Variants in PRORP observed in about 807,000 individuals in gnomAD.
PRORP encodes protein only RNase P catalytic subunit.
Under a neutral mutation model 59.4 loss-of-function variants are expected in PRORP, and 51 were observed. That is an observed-to-expected ratio of 0.86 (90% CI 0.69 to 1.08). PRORP has a LOEUF of 1.08. PRORP is among the 50% of genes least tolerant of loss of function. The probability of loss-of-function intolerance (pLI) is 0.00; values close to 1 mark genes in which losing one functional copy is unlikely to be tolerated. For synonymous variants in PRORP, 231 were observed against 245.6 expected (o/e 0.94, Z 0.55); for missense variants, 646 against 690.3 (o/e 0.94, Z 0.72).
chr14:35,233,193 T>C (rs2050125785), intron 5 of PRORP, among the ~76,000 whole-genome samples: 1 of 150,590 alleles, frequency 6.6e-6, no homozygotes, highest in Non-Finnish European at 1.5e-5. Flanking sequence ...ACCAATGAAT[T>C]AAGTAGAGAA....
intron 5 of PRORP, chr14:35,235,756 G>A (rs975148726): frequency 4.7e-6 from 1 of 213,422 alleles, no homozygotes; most frequent in Admixed American, 5.5e-5. Flanking sequence ...GCTGTTATTG[G>A]TATTACCTCC....
At chr14:35,225,793 G>A (rs1308173055) in intron 5 of PRORP, among the ~76,000 whole-genome samples, 3 of 151,710 alleles carry the variant, frequency 2.0e-5, no homozygotes, top group African/African-American at 7.3e-5. Context: ...ACACCTGTAA[G>A]CCCAGCACTT....
At chr14:35,195,866 T>C (rs919493101) in intron 5 of PRORP, among the ~76,000 whole-genome samples, 13 of 152,208 alleles carry the variant, frequency 8.5e-5, no homozygotes, top group African/African-American at 3.1e-4. Flanking sequence ...CCAACAGTTA[T>C]GTTATCAAGG....
intron 5 of PRORP, among the ~76,000 whole-genome samples, chr14:35,263,343 A>G (rs2050954165): frequency 3.3e-5 from 5 of 152,226 alleles, no homozygotes; most frequent in Admixed American, 3.3e-4. Flanking sequence ...GACCCATCCA[A>G]TGTGTGTAGA....
At chr14:35,252,573 T>C (rs1236377242) in intron 5 of PRORP, among the ~76,000 whole-genome samples, 1 of 152,204 alleles carries the variant, frequency 6.6e-6, no homozygotes, top group Non-Finnish European at 1.5e-5. Flanking sequence ...CTGCTGCCTG[T>C]AGGTGTGGGT....
In PRORP at chr14:35,124,065, G is replaced by T; in HGVS notation, c.820G>T (p.Asp274Tyr). The T allele has an allele frequency of 6.2e-7, 1 of 1,613,892 alleles. No individual in the cohort carries two copies. Among genetic ancestry groups the T allele is most frequent in the South Asian group, 1.1e-5 (1 of 91,046 alleles). Reference protein sequence around the residue: ...WNLYQELLGHDIVPMLETLKA... With the variant: ...WNLYQELLGHYIVPMLETLKA... ...TTTATATCAGGAATTGCTAGGTCAT[G>T]ATATTGTTCCTATGTTGGAAACTTT... Residue 274 changes from aspartate (D) to tyrosine (Y), a missense_variant, in exon 2 of 8, where the codon GAT (aspartate) becomes TAT (tyrosine). Transcript: ENST00000534898.
At chr14:35,214,795 T>A (rs2049543347) in intron 5 of PRORP, among the ~76,000 whole-genome samples, 1 of 152,164 alleles carries the variant, frequency 6.6e-6, no homozygotes, top group South Asian at 2.1e-4. Flanking sequence ...TAATCCCAGC[T>A]ACTTGGGTGG....
intron 4 of PRORP, among the ~76,000 whole-genome samples, chr14:35,179,209 A>G (rs527842337): frequency 2.6e-5 from 4 of 152,084 alleles, no homozygotes; most frequent in Non-Finnish European, 4.4e-5. Context: ...GAATCTGACA[A>G]TTATGTATCT....
At chr14:35,233,021 T>G (rs1303516303) in intron 5 of PRORP, among the ~76,000 whole-genome samples, 1 of 152,174 alleles carries the variant, frequency 6.6e-6, no homozygotes, top group Non-Finnish European at 1.5e-5. Flanking sequence ...AGGTTCTGGA[T>G]TTTTGGACTC....
chr14:35,127,407 T>G, intron 3 of PRORP, 72 bp from the exon 4 acceptor site: 1 of 1,141,902 alleles, frequency 8.8e-7, no homozygotes, highest in Non-Finnish European at 1.2e-6. Context: ...TCATTGTTCA[T>G]TTCACAAATT....
chr14:35,181,936 C>G (rs757378822), intron 5 of PRORP, among the ~76,000 whole-genome samples: 8 of 151,834 alleles, frequency 5.3e-5, no homozygotes, highest in Non-Finnish European at 1.2e-4. Context: ...CAAAACTGAA[C>G]TAAAAAATAT....
At chr14:35,168,131 A>G (rs1221382364) in intron 4 of PRORP, among the ~76,000 whole-genome samples, 1 of 152,192 alleles carries the variant, frequency 6.6e-6, no homozygotes, top group Non-Finnish European at 1.5e-5. Flanking sequence ...GTGAATACTC[A>G]TAAATGGGAC....
chr14:35,138,402 C>T lies in PRORP; in HGVS notation c.1167+10791C>T, dbSNP rs1387612208. On this transcript the variant is annotated intron_variant, in intron 4 of 7. Transcript: ENST00000534898. ...TGCGTTAATAAAACTATATTATATT[C>T]AGCATTTTAAATTATTTTGTGTTAG... 1.4e-5 allele frequency among the ~76,000 whole-genome samples: 2 copies of T among 145,526 alleles called. 1 individual carries two copies. The highest frequency in any genetic ancestry group is 3.0e-5 in the Non-Finnish European group (2 of 65,576).
intron 5 of PRORP, among the ~76,000 whole-genome samples, chr14:35,185,152 T>A (rs145940039): frequency 1.7e-3 from 264 of 152,310 alleles, no homozygotes; most frequent in Non-Finnish European, 2.5e-3. Flanking sequence ...AGTGTATAAG[T>A]GTTCCCTTTT....
intron 5 of PRORP, among the ~76,000 whole-genome samples, chr14:35,183,821 A>G (rs1233806562): frequency 2.6e-5 from 4 of 152,060 alleles, no homozygotes; most frequent in Non-Finnish European, 1.5e-5. Flanking sequence ...TTTCTTCCCC[A>G]TTTTTTAGGT....
chr14:35,198,900 C>T (rs1373045951), intron 5 of PRORP, among the ~76,000 whole-genome samples: 1 of 152,214 alleles, frequency 6.6e-6, no homozygotes, highest in East Asian at 1.9e-4. Flanking sequence ...GGCGTGGTGG[C>T]TTACGCCTGT....
intron 5 of PRORP, among the ~76,000 whole-genome samples, chr14:35,186,535 C>T (rs927380438): frequency 3.3e-5 from 5 of 151,834 alleles, no homozygotes; most frequent in African/African-American, 1.2e-4. Flanking sequence ...CAGTTTCTTC[C>T]TCCCATTGGT....
chr14:35,187,255 CCATTTTG>C (rs2048763891), intron 5 of PRORP, among the ~76,000 whole-genome samples: 1 of 152,136 alleles, frequency 6.6e-6, no homozygotes, highest in Admixed American at 6.6e-5. Context: ...AGCATCTGCA[CCATTTTG>C]CATTCTCATC....
chr14:35,177,056 G>GT (rs1237367314), intron 4 of PRORP, among the ~76,000 whole-genome samples: 1 of 152,046 alleles, frequency 6.6e-6, no homozygotes, highest in Non-Finnish European at 1.5e-5. Context: ...ATTGATTTGC[G>GT]TATGTTGAAC....
Sources: allele counts gnomAD v4.1 joint callset (sites outside exome capture counted in the v4.1 genomes callset), GRCh38; gene constraint gnomAD v4.1.1; transcripts MANE v1.5; gene names NCBI Gene and HGNC (gene_info 2026-07-23, HGNC 2026-07-21).